Variants in MVK observed in about 807,000 individuals in gnomAD.
MVK encodes LH receptor mRNA-binding protein.
A neutral mutation model predicts 43.2 loss-of-function variants in MVK; 34 were observed. The observed-to-expected ratio is 0.79, with a 90% CI of 0.60 to 1.05. MVK has a LOEUF of 1.05. Ranked by LOEUF, MVK falls within the 50% of genes least tolerant of loss-of-function variation. The probability of loss-of-function intolerance (pLI) is 0.00; values close to 1 mark genes in which losing one functional copy is unlikely to be tolerated. For synonymous variants in MVK, 190 were observed against 219.8 expected (o/e 0.86, Z 1.20); for missense variants, 395 against 504.0 (o/e 0.78, Z 2.07).
Position 109,595,230 on chromosome 12 carries a change from G to A in MVK, c.1039+49G>A. ...GGCTGCCAGCCTGGGCTCCTAAGAG[G>A]GGTCCACCTGGAGAATTCCCTTGAA... On this transcript the variant is annotated intron_variant, in intron 10 of 10. Transcript: ENST00000228510. This position sits in a 1 kb window ranked among gnomAD's most constrained non-coding sequence, Gnocchi z 5.9. The A allele has an allele frequency of 6.2e-7, 1 of 1,609,130 alleles. No individual in the cohort carries two copies.
intron 9 of MVK, among the ~76,000 whole-genome samples, chr12:109,592,119 C>T (rs546954423): frequency 6.6e-6 from 1 of 152,308 alleles, no homozygotes; most frequent in South Asian, 2.1e-4. Flanking sequence ...CGGTACATAT[C>T]GGTAGTCCCA....
chr12:109,594,743 G>A (rs752850112), intron 9 of MVK, among the ~76,000 whole-genome samples: 3 of 152,216 alleles, frequency 2.0e-5, no homozygotes, highest in Non-Finnish European at 4.4e-5. Flanking sequence ...TGGACCACAT[G>A]CCCATCCCTG....
chr12:109,576,152 G>T lies in MVK; in HGVS notation c.226+7G>T, dbSNP rs781670680. The T allele has an allele frequency of 3.7e-6, 6 of 1,613,990 alleles. No homozygotes were observed. In the East Asian group the frequency reaches 1.1e-4, roughly 30 times the overall value. On this transcript the variant is annotated splice_region_variant and intron_variant, in intron 3 of 10. Transcript: ENST00000228510. ...CTGGACACAAGCTTTCTGGGTGAGT[G>T]CAAGGAGGAGAAACCAGGTGTGCTA...
At position 109,574,842 on chromosome 12, in the gene MVK, T is replaced by G. The variant is rs771000474; in HGVS notation, c.20T>G (p.Leu7Arg). The change falls in exon 2 of 11, where the codon CTG becomes CGG. Residue 7 changes from leucine (L) to arginine (R), a missense_variant. Transcript: ENST00000228510. Reference sequence around the variant, plus strand: ...GGAGCCATGTTGTCAGAAGTCCTACTGGTGTCTGCTCCGGGGAAAGTCATC... The same window carrying G: ...GGAGCCATGTTGTCAGAAGTCCTACGGGTGTCTGCTCCGGGGAAAGTCATC... Reference protein sequence around the residue: MLSEVLLVSAPGKVILH... With the variant: MLSEVLRVSAPGKVILH... The G allele has an allele frequency of 6.2e-7, 1 of 1,608,248 alleles. No individual in the cohort carries two copies. Among genetic ancestry groups the G allele is most frequent in the Non-Finnish European group, 8.5e-7 (1 of 1,177,234 alleles).
At chr12:109,583,849 TC>T (rs1407110401) in intron 5 of MVK, among the ~76,000 whole-genome samples, 2 of 152,248 alleles carry the variant, frequency 1.3e-5, no homozygotes, top group Non-Finnish European at 2.9e-5. Context: ...CTTCACTTTC[TC>T]CATTAGACTC....
At position 109,597,714 on chromosome 12, in the gene MVK, C is replaced by G. The variant is rs1051979960; in HGVS notation, c.*1137C>G. ...ATATTGCAGTCAGCTTGGTGCTTTC[C>G]GAAATGCCATTAGCCATCAGGAAAC... is the stretch of plus-strand genomic sequence containing the variant. On this transcript the variant is annotated 3_prime_UTR_variant, in exon 11 of 11. Transcript: ENST00000228510. 13 of 152,206 alleles carry G rather than the reference C, an allele frequency of 8.5e-5. No homozygotes were observed. Among genetic ancestry groups the G allele is most frequent in the African/African-American group, 2.9e-4 (12 of 41,440 alleles). 9.4% of individuals were successfully genotyped at this position (152,206 alleles called of 1,614,324 possible).
chr12:109,583,037 A>G (rs1383839551), intron 5 of MVK, among the ~76,000 whole-genome samples: 3 of 151,444 alleles, frequency 2.0e-5, no homozygotes, highest in African/African-American at 4.9e-5. Context: ...TTGTTTTTTT[A>G]ACTATATTAT....
At chr12:109,581,923 T>C (rs1376219051) in intron 5 of MVK, among the ~76,000 whole-genome samples, 1 of 152,214 alleles carries the variant, frequency 6.6e-6, no homozygotes, top group East Asian at 1.9e-4. Context: ...GACAGTGTTC[T>C]CCTCTGTATG....
At chr12:109,586,408 G>T (rs1383083245) in intron 6 of MVK, among the ~76,000 whole-genome samples, 3 of 152,136 alleles carry the variant, frequency 2.0e-5, no homozygotes, top group Admixed American at 2.0e-4. Context: ...TTGCCGTGGA[G>T]TTTGCACACC....
In MVK at chr12:109,580,089, C is replaced by T. The variant is rs1389658566; in HGVS notation, c.371+143C>T. On this transcript the variant is annotated intron_variant, in intron 4 of 10. Coordinates refer to ENST00000228510, the MANE Select transcript of MVK (RefSeq NM_000431.4). ...CTGTCCTCATCATGTGCCAGGCACC[C>T]TGCCAGGCACGGTATATATGGCGTG... The T allele has an allele frequency of 2.4e-6, 3 of 1,236,090 alleles. No individual in the cohort carries two copies. The African/African-American group carries it at 4.4e-5, about 18-fold the overall frequency. The allele number at this position is 1,236,090 out of a possible 1,614,324, so 76.6% of individuals were successfully genotyped here.
At position 109,591,233 on chromosome 12, in the gene MVK, T is replaced by C. The variant is rs1287173283; in HGVS notation, c.769-8T>C. 3 of 1,613,768 alleles carry C rather than the reference T, an allele frequency of 1.9e-6. No homozygotes were observed. In the African/African-American group the frequency reaches 4.0e-5, roughly 22 times the overall value. On this transcript the variant is annotated splice_region_variant and splice_polypyrimidine_tract_variant and intron_variant, in intron 8 of 10. Coordinates refer to ENST00000228510, the MANE Select transcript of MVK (RefSeq NM_000431.4). ...GCCTCACCAGCCGTTCCTTCTTTTT[T>C]TCTCCAGTTCCCAGAGATCGTGGCC...
chr12:109,586,640 G>T, intron 6 of MVK, 114 bp from the exon 7 acceptor site: 3 of 1,151,528 alleles, frequency 2.6e-6, no homozygotes, highest in Non-Finnish European at 3.9e-6. Flanking sequence ...TCATTACTTA[G>T]CCTCTTTCCT....
chr12:109,593,524 C>T (rs144041755), intron 9 of MVK, among the ~76,000 whole-genome samples: 5 of 140,464 alleles, frequency 3.6e-5, no homozygotes, highest in East Asian at 1.9e-4. Context: ...CAGGCAGACC[C>T]GCCTTCCAGT....
At position 109,595,563 on chromosome 12, in the gene MVK, G is replaced by T. The variant is rs1429138306; in HGVS notation, c.1039+382G>T. 2.0e-5 allele frequency among the ~76,000 whole-genome samples: 3 copies of T among 152,132 alleles called. No individual in the cohort carries two copies. Among genetic ancestry groups the T allele is most frequent in the Non-Finnish European group, 4.4e-5 (3 of 68,022 alleles). On this transcript the variant is annotated intron_variant, in intron 10 of 10. Coordinates refer to ENST00000228510, the MANE Select transcript of MVK (RefSeq NM_000431.4). This position sits in a 1 kb window ranked among gnomAD's most constrained non-coding sequence, Gnocchi z 5.9. Reference sequence around the variant, plus strand: ...ATGTGGTCAGGATGCGGTTGATTTTGCTACAAAACGAAAGGGTTTCCTTCC... The same window carrying T: ...ATGTGGTCAGGATGCGGTTGATTTTTCTACAAAACGAAAGGGTTTCCTTCC...
At chr12:109,573,426 G>A, upstream of MVK, 1 of 1,607,468 alleles carries the variant, frequency 6.2e-7, no homozygotes, top group South Asian at 1.1e-5. Context: ...AAGCACCCGC[G>A]CAGGCCAAGA....
intron 5 of MVK, among the ~76,000 whole-genome samples, chr12:109,582,617 A>T (rs1034099042): frequency 1.5e-5 from 1 of 67,044 alleles, no homozygotes; most frequent in South Asian, 5.6e-4. Flanking sequence ...ACCCCACCCC[A>T]CCCCACCACA....
Position 109,595,093 on chromosome 12 carries a change from G to C in MVK, c.951G>C (p.Gln317His), listed in dbSNP as rs1885858865. 1 of 1,614,090 alleles carries C rather than the reference G, an allele frequency of 6.2e-7. No homozygotes were observed. The highest frequency in any genetic ancestry group is 8.5e-7 in the Non-Finnish European group (1 of 1,180,036). ...ALGVGHASLD[Q>H]LCQVTRARGL... ...GCGTGGGCCACGCCTCTCTGGACCA[G>C]CTCTGCCAGGTGACCAGGGCCCGCG... is the stretch of plus-strand genomic sequence containing the variant. Residue 317 changes from glutamine to histidine, a missense_variant, in exon 10 of 11, where the codon CAG becomes CAC. Transcript: ENST00000228510. This position sits in a 1 kb window ranked among gnomAD's most constrained non-coding sequence, Gnocchi z 5.9.
At chr12:109,593,416 G>T (rs184784537) in intron 9 of MVK, among the ~76,000 whole-genome samples, 28 of 152,320 alleles carry the variant, frequency 1.8e-4, no homozygotes, top group East Asian at 1.5e-3. Context: ...GCAACTCCTG[G>T]TATACAGGCA....
intron 6 of MVK, among the ~76,000 whole-genome samples, chr12:109,586,506 C>T (rs1312957460): frequency 6.6e-6 from 1 of 152,194 alleles, no homozygotes; most frequent in Admixed American, 6.5e-5. Context: ...TGTGGCTTGT[C>T]GGGGGAAGCT....
Sources: gnomAD v4.1 joint callset for allele counts (sites outside exome capture counted in the v4.1 genomes callset) on GRCh38, gnomAD v4.1.1 for gene constraint, Gnocchi (gnomAD v3.1) non-coding constraint, MANE v1.5 for transcripts, NCBI Gene and HGNC (gene_info 2026-07-23, HGNC 2026-07-21) for gene names.